HTR2C: variants seen among roughly 807,000 people sequenced by gnomAD.
HTR2C encodes 5-hydroxytryptamine (serotonin) receptor 2C, G protein-coupled.
A neutral mutation model predicts 21.0 loss-of-function variants in HTR2C; 5 were observed. That is an observed-to-expected ratio of 0.24 (90% CI 0.12 to 0.50). The LOEUF (loss-of-function observed/expected upper bound fraction) is 0.50. Among genes scored for constraint, HTR2C ranks in the 20% least tolerant of loss-of-function variants. The probability of loss-of-function intolerance (pLI) is 0.98; values close to 1 mark genes in which losing one functional copy is unlikely to be tolerated. For synonymous variants in HTR2C, 150 were observed against 145.3 expected, an observed-to-expected ratio of 1.03 and a Z score of -0.23; for missense variants, 271 against 371.2, an observed-to-expected ratio of 0.73 and a Z score of 2.22.
intron 4 of HTR2C, chrX:114,775,925 G>A: frequency 2.7e-6 from 1 of 371,107 alleles, no homozygotes; most frequent in Non-Finnish European, 4.8e-6. Flanking sequence ...TTCTTAGAGA[G>A]AATCGACCTC....
At chrX:114,805,950 T>C (rs201482198) in intron 4 of HTR2C, among the ~76,000 whole-genome samples, 5 of 69,281 alleles carry the variant, frequency 7.2e-5, no homozygotes, top group East Asian at 5.4e-4. Context: ...CATATATATA[T>C]ACACCATATA....
intron 2 of HTR2C, among the ~76,000 whole-genome samples, chrX:114,620,749 C>G (rs1929124642): frequency 8.9e-6 from 1 of 112,049 alleles, no homozygotes; most frequent in African/African-American, 3.2e-5. Flanking sequence ...ATATATCTAC[C>G]ATAATTCATA....
At chrX:114,725,068 G>T (rs1933398634) in intron 2 of HTR2C, among the ~76,000 whole-genome samples, 2 of 110,450 alleles carry the variant, frequency 1.8e-5, no homozygotes, top group Non-Finnish European at 3.8e-5. Flanking sequence ...GGCCTGCCTT[G>T]CTAGATTGGG....
At chrX:114,724,129 C>T (rs192533291) in intron 2 of HTR2C, among the ~76,000 whole-genome samples, 2,321 of 104,712 alleles carry the variant, frequency 0.022, 80 homozygotes, top group African/African-American at 0.076. Context: ...TAAAGTCCTC[C>T]ATTATTATTG....
At chrX:114,659,106 G>A (rs782434155) in intron 2 of HTR2C, among the ~76,000 whole-genome samples, 118 of 110,726 alleles carry the variant, frequency 1.1e-3, no homozygotes, top group Non-Finnish European at 1.9e-3. Context: ...AGTGCAGAGC[G>A]AAAAGGGGAA....
intron 2 of HTR2C, among the ~76,000 whole-genome samples, chrX:114,715,744 C>G (rs1932982701): frequency 1.8e-5 from 2 of 111,980 alleles, no homozygotes; most frequent in South Asian, 7.4e-4. Flanking sequence ...ATGGATCCAT[C>G]TAATGTATTT....
intron 4 of HTR2C, among the ~76,000 whole-genome samples, chrX:114,846,495 G>A (rs1556467524): frequency 9.0e-6 from 1 of 111,563 alleles, no homozygotes; most frequent in Admixed American, 9.5e-5. Context: ...GGATGCAAGA[G>A]GGATTCAACA....
At chrX:114,589,841 A>G in intron 1 of HTR2C, 1 of 319,607 alleles carries the variant, frequency 3.1e-6, no homozygotes, top group Admixed American at 3.3e-5. Context: ...CACTGATCCC[A>G]ACTGCAAATC....
chrX:114,622,117 G>C (rs1213253899), intron 2 of HTR2C, among the ~76,000 whole-genome samples: 2 of 111,786 alleles, frequency 1.8e-5, no homozygotes, highest in African/African-American at 6.5e-5. Context: ...TGGGAAATAT[G>C]TATCACATAG....
At chrX:114,808,795 C>T (rs1457660896) in intron 4 of HTR2C, among the ~76,000 whole-genome samples, 7 of 111,544 alleles carry the variant, frequency 6.3e-5, no homozygotes, top group African/African-American at 2.3e-4. Flanking sequence ...AAATCTTTTG[C>T]GCATTGTTCG....
intron 2 of HTR2C, among the ~76,000 whole-genome samples, chrX:114,656,958 T>C (rs182685366): frequency 4.9e-4 from 55 of 111,310 alleles, no homozygotes; most frequent in African/African-American, 1.7e-3. Flanking sequence ...AGCAAATGTA[T>C]AATTTATCTT....
chrX:114,868,169 C>T (rs2071061284), intron 5 of HTR2C, among the ~76,000 whole-genome samples: 1 of 109,710 alleles, frequency 9.1e-6, no homozygotes, highest in African/African-American at 3.3e-5. Flanking sequence ...TTTGGTGTCC[C>T]CTTCAGTTTT....
rs782330093 is a variant in HTR2C, at chrX:114,807,300, G to GTA, written c.350-40698_350-40697dup. Among the ~76,000 whole-genome samples the GTA allele has an allele frequency of 7.3e-3, 73 of 10,029 alleles. 8 individuals carry two copies. Among genetic ancestry groups the GTA allele is most frequent in the African/African-American group, 0.017 (47 of 2,829 alleles). The allele number at this position is 10,029 out of a possible 115,157, so 8.7% of individuals were successfully genotyped here. On this transcript the variant is annotated intron_variant, in intron 4 of 5. Coordinates refer to ENST00000276198, the MANE Select transcript of HTR2C (RefSeq NM_000868.4). ...TATATATACACCATATATATACCAT[G>GTA]TATATACACCATATATCTATACCAT... is the stretch of plus-strand genomic sequence containing the variant.
At chrX:114,833,092 T>C (rs1172392638) in intron 4 of HTR2C, among the ~76,000 whole-genome samples, 1 of 90,752 alleles carries the variant, frequency 1.1e-5, no homozygotes, top group Admixed American at 1.3e-4. Flanking sequence ...TGCTGCTGGA[T>C]TCGTTTTGCC....
chrX:114,629,504 G>A (rs918828761), intron 2 of HTR2C, among the ~76,000 whole-genome samples: 4 of 111,725 alleles, frequency 3.6e-5, no homozygotes, highest in Admixed American at 2.9e-4. Context: ...AGAAAGTAAT[G>A]GGACATTTTA....
At chrX:114,806,266 T>TACACCATATATATAC (rs1382553304) in intron 4 of HTR2C, among the ~76,000 whole-genome samples, 1 of 98,979 alleles carries the variant, frequency 1.0e-5, no homozygotes, top group Non-Finnish European at 2.0e-5. Flanking sequence ...ACCACATATA[T>TACACCATATATATAC]ACACCATATA....
intron 3 of HTR2C, among the ~76,000 whole-genome samples, chrX:114,727,413 A>T (rs1239125545): frequency 1.8e-5 from 2 of 111,769 alleles, no homozygotes; most frequent in African/African-American, 6.5e-5. Flanking sequence ...ATGTAGCTGG[A>T]TGGGAAAAAC....
chrX:114,639,811 C>A (rs1556406065), intron 2 of HTR2C, among the ~76,000 whole-genome samples: 2 of 111,467 alleles, frequency 1.8e-5, no homozygotes, highest in African/African-American at 6.5e-5. Flanking sequence ...TGATTTTTAA[C>A]TTTGTATTTA....
At chrX:114,667,502 A>G (rs891463355) in intron 2 of HTR2C, among the ~76,000 whole-genome samples, 6 of 111,748 alleles carry the variant, frequency 5.4e-5, no homozygotes, top group Admixed American at 9.6e-5. Flanking sequence ...CTTCGCTACC[A>G]GTGTCTTACA....
Sources: allele counts gnomAD v4.1 joint callset (sites outside exome capture counted in the v4.1 genomes callset), GRCh38; gene constraint gnomAD v4.1.1; transcripts MANE v1.5; gene names NCBI Gene and HGNC (gene_info 2026-07-23, HGNC 2026-07-21).